Variants in NXPE2 observed in about 807,000 individuals in gnomAD.
NXPE2 encodes NXPE family member 2.
NXPE2 carries 34 observed loss-of-function variants against 34.4 expected under a neutral mutation model. The ratio of observed to expected loss-of-function variants is 0.99; its 90% CI spans 0.75 to 1.31. The LOEUF is 1.31. Among genes scored for constraint, NXPE2 ranks in the 40% most tolerant of loss-of-function variants. The probability of loss-of-function intolerance (pLI) is 0.00; values close to 1 mark genes in which losing one functional copy is unlikely to be tolerated. For missense variants in NXPE2, 649 were observed against 672.5 expected, an observed-to-expected ratio of 0.97 and a Z score of 0.39; for synonymous variants, 235 against 231.3, an observed-to-expected ratio of 1.02 and a Z score of -0.15.
the NXPE2 span, among the ~76,000 whole-genome samples, chr11:114,575,870 C>T: frequency 6.6e-6 from 1 of 151,910 alleles, no homozygotes; most frequent in Non-Finnish European, 1.5e-5. Context: ...CATATGGAAC[C>T]AAAAAAGAGC....
At chr11:114,503,205 G>T in the NXPE2 span, among the ~76,000 whole-genome samples, 1 of 151,982 alleles carries the variant, frequency 6.6e-6, no homozygotes. Context: ...CAGTGAGATT[G>T]CCCTATTAAT....
chr11:114,594,633 C>T, the NXPE2 span: 1 of 1,414,096 alleles, frequency 7.1e-7, no homozygotes, highest in East Asian at 2.3e-5. Context: ...AAATAAGCTT[C>T]TGTAAACCAC....
the NXPE2 span, among the ~76,000 whole-genome samples, chr11:114,571,705 C>T: frequency 6.6e-6 from 1 of 152,214 alleles, no homozygotes; most frequent in Non-Finnish European, 1.5e-5. Flanking sequence ...GCAGCTCTCA[C>T]TCAGACAAAC....
the NXPE2 span, among the ~76,000 whole-genome samples, chr11:114,750,250 A>G: frequency 1.3e-5 from 2 of 152,160 alleles, no homozygotes; most frequent in Admixed American, 6.5e-5. Context: ...CAAATTTATC[A>G]TATCTGGTAT....
the NXPE2 span, among the ~76,000 whole-genome samples, chr11:114,481,309 A>T: frequency 2.9e-4 from 44 of 152,174 alleles, no homozygotes; most frequent in African/African-American, 1.1e-3. Context: ...ACAGGTTTCA[A>T]AGTAAGCCTA....
the NXPE2 span, among the ~76,000 whole-genome samples, chr11:114,663,637 C>CATCT: frequency 0.16 from 22,005 of 138,392 alleles, 1,933 homozygotes; most frequent in Admixed American, 0.18. Context: ...ATCTATCTAT[C>CATCT]ATCTATCCAT....
At chr11:114,758,424 T>C in the NXPE2 span, among the ~76,000 whole-genome samples, 7 of 152,202 alleles carry the variant, frequency 4.6e-5, no homozygotes, top group African/African-American at 1.7e-4. Flanking sequence ...TATTTACATT[T>C]TTCTCGAGCA....
the NXPE2 span, among the ~76,000 whole-genome samples, chr11:114,505,073 A>G: frequency 1.3e-5 from 2 of 152,194 alleles, no homozygotes; most frequent in South Asian, 2.1e-4. Context: ...AACACACTAT[A>G]AGAATTTCAT....
the NXPE2 span, among the ~76,000 whole-genome samples, chr11:114,650,820 C>CA: frequency 4.9e-4 from 74 of 150,654 alleles, no homozygotes; most frequent in African/African-American, 1.7e-3. Flanking sequence ...TTGCCAAAGA[C>CA]AAAGGCTGGA....
At chr11:114,606,292 T>TTCTTA in the NXPE2 span, among the ~76,000 whole-genome samples, 7 of 151,456 alleles carry the variant, frequency 4.6e-5, 1 homozygote, top group African/African-American at 1.7e-4. Flanking sequence ...GGATAATAAA[T>TTCTTA]GTTGCCTCAT....
the NXPE2 span, among the ~76,000 whole-genome samples, chr11:114,543,690 C>G: frequency 2.6e-5 from 4 of 151,112 alleles, no homozygotes; most frequent in African/African-American, 9.9e-5. Context: ...AGAATGTCCT[C>G]TTTCACCACT....
At chr11:114,522,488 T>A in the NXPE2 span, 1 of 1,596,570 alleles carries the variant, frequency 6.3e-7, no homozygotes, top group African/African-American at 1.4e-5. Flanking sequence ...TTCATGAAGA[T>A]CAAAAAACTT....
At chr11:114,596,157 C>A in the NXPE2 span, among the ~76,000 whole-genome samples, 1 of 152,144 alleles carries the variant, frequency 6.6e-6, no homozygotes, top group Non-Finnish European at 1.5e-5. Context: ...TTATCTCATA[C>A]ATAGTAGGTT....
At chr11:114,503,738 A>T in the NXPE2 span, among the ~76,000 whole-genome samples, 8 of 152,370 alleles carry the variant, frequency 5.3e-5, no homozygotes, top group East Asian at 1.2e-3. Context: ...GTTATCAAGG[A>T]AATAATAATA....
the NXPE2 span, among the ~76,000 whole-genome samples, chr11:114,589,356 T>G: frequency 6.6e-6 from 1 of 152,106 alleles, no homozygotes; most frequent in African/African-American, 2.4e-5. Flanking sequence ...AAGGTGGACC[T>G]CCTTCTGGAC....
At chr11:114,703,345 T>C (rs1437186341) in intron 3 of NXPE2, among the ~76,000 whole-genome samples, 1 of 152,244 alleles carries the variant, frequency 6.6e-6, no homozygotes, top group African/African-American at 2.4e-5. Context: ...GATAGTATTA[T>C]AATAACTTAG....
the NXPE2 span, among the ~76,000 whole-genome samples, chr11:114,550,852 A>G: frequency 6.6e-6 from 1 of 152,214 alleles, no homozygotes; most frequent in Non-Finnish European, 1.5e-5. Context: ...GGTAGCTTTA[A>G]CAAGGGCCAT....
chr11:114,581,723 A>C, the NXPE2 span: 2 of 1,608,994 alleles, frequency 1.2e-6, no homozygotes, highest in African/African-American at 2.7e-5. Flanking sequence ...AGGAGTACTT[A>C]CTGTTGCATT....
At chr11:114,515,175 G>A in the NXPE2 span, among the ~76,000 whole-genome samples, 1 of 151,764 alleles carries the variant, frequency 6.6e-6, no homozygotes, top group African/African-American at 2.4e-5. Context: ...CTCTTGTTTA[G>A]CTGAAGCTAG....
Sources: allele counts gnomAD v4.1 joint callset (sites outside exome capture counted in the v4.1 genomes callset), GRCh38; gene constraint gnomAD v4.1.1; transcripts MANE v1.5; gene names NCBI Gene and HGNC (gene_info 2026-07-23, HGNC 2026-07-21).